Variants in UVRAG observed in about 807,000 individuals in gnomAD.
UVRAG encodes the protein UV radiation resistance associated.
UVRAG carries 19 observed loss-of-function variants against 78.0 expected under a neutral mutation model. The ratio of observed to expected loss-of-function variants is 0.24; its 90% confidence interval spans 0.17 to 0.36. The LOEUF (loss-of-function observed/expected upper bound fraction) is 0.36. Ranked by LOEUF, UVRAG falls within the 10% of genes least tolerant of loss-of-function variation. The probability of loss-of-function intolerance (pLI) is 1.00; values close to 1 mark genes in which losing one functional copy is unlikely to be tolerated. For missense variants in UVRAG, 740 were observed against 853.8 expected (o/e 0.87, Z 1.66); for synonymous variants, 323 against 324.6 (o/e 1.00, Z 0.05).
chr11:75,957,481 T>G (rs1948824009), intron 6 of UVRAG, among the ~76,000 whole-genome samples: 1 of 152,100 alleles, frequency 6.6e-6, no homozygotes, highest in Non-Finnish European at 1.5e-5. Flanking sequence ...TAGAAACTCT[T>G]GAAATCTGGC....
At chr11:75,912,890 G>A (rs1283498346) in intron 6 of UVRAG, among the ~76,000 whole-genome samples, 1 of 152,202 alleles carries the variant, frequency 6.6e-6, no homozygotes, top group Non-Finnish European at 1.5e-5. Flanking sequence ...ATAGAGTTTG[G>A]TCACATGGAC....
intron 6 of UVRAG, among the ~76,000 whole-genome samples, chr11:75,952,821 CCTT>C (rs986612653): frequency 3.3e-5 from 5 of 151,836 alleles, no homozygotes; most frequent in African/African-American, 9.7e-5. Context: ...TGAAAGCATC[CCTT>C]CTTCTTCTTG....
intron 12 of UVRAG, among the ~76,000 whole-genome samples, chr11:76,058,252 C>T (rs1367480614): frequency 6.6e-6 from 1 of 151,990 alleles, no homozygotes; most frequent in East Asian, 1.9e-4. Context: ...GTTTTAGGTC[C>T]GGGCATGGTC....
chr11:76,137,521 T>C (rs951288139), intron 14 of UVRAG: 3 of 453,872 alleles, frequency 6.6e-6, no homozygotes, highest in Non-Finnish European at 8.8e-6. Context: ...AGGGAAAAAA[T>C]GTGGTGATAA....
intron 1 of UVRAG, among the ~76,000 whole-genome samples, chr11:75,838,482 C>T (rs1945834509): frequency 6.6e-6 from 1 of 151,946 alleles, no homozygotes; most frequent in African/African-American, 2.4e-5. Flanking sequence ...GGTCTACAGG[C>T]ATGCACCACC....
intron 2 of UVRAG, among the ~76,000 whole-genome samples, chr11:75,856,958 T>G (rs1565348033): frequency 6.6e-6 from 1 of 152,212 alleles, no homozygotes; most frequent in Non-Finnish European, 1.5e-5. Context: ...GGCCAAAAAC[T>G]TGGAGTTATC....
At chr11:75,982,020 C>T (rs1949405431) in intron 7 of UVRAG, among the ~76,000 whole-genome samples, 1 of 151,764 alleles carries the variant, frequency 6.6e-6, no homozygotes, top group African/African-American at 2.4e-5. Context: ...TGTAACACGT[C>T]TATCATGTCA....
intron 14 of UVRAG, among the ~76,000 whole-genome samples, chr11:76,117,540 T>A (rs1952203608): frequency 6.6e-6 from 1 of 152,152 alleles, no homozygotes; most frequent in Admixed American, 6.5e-5. Flanking sequence ...GAGAATGAAA[T>A]AAAAATCAAA....
chr11:76,039,993 T>C (rs780632170), intron 12 of UVRAG, among the ~76,000 whole-genome samples: 7 of 152,244 alleles, frequency 4.6e-5, no homozygotes, highest in Non-Finnish European at 8.8e-5. Context: ...CACACACATA[T>C]ATACATACCT....
At chr11:75,828,444 TAA>T (rs113226743) in intron 1 of UVRAG, among the ~76,000 whole-genome samples, 6,433 of 114,926 alleles carry the variant, frequency 0.056, 510 homozygotes, top group African/African-American at 0.18. Context: ...CCCCCATCTC[TAA>T]AAAAAAAAAA....
chr11:76,006,373 G>A (rs1309915055), intron 9 of UVRAG, among the ~76,000 whole-genome samples: 2 of 152,026 alleles, frequency 1.3e-5, no homozygotes, highest in African/African-American at 4.8e-5. Flanking sequence ...CAAGAAAAGA[G>A]CTGGTGCCAG....
chr11:75,821,196 G>C (rs748622330), intron 1 of UVRAG, among the ~76,000 whole-genome samples: 2 of 151,958 alleles, frequency 1.3e-5, no homozygotes, highest in Non-Finnish European at 2.9e-5. Flanking sequence ...TTTATGTTTG[G>C]CTTATTTCAC....
intron 14 of UVRAG, among the ~76,000 whole-genome samples, chr11:76,122,297 G>A (rs919837612): frequency 6.6e-6 from 1 of 151,976 alleles, no homozygotes; most frequent in Non-Finnish European, 1.5e-5. Context: ...GCCACATGAG[G>A]TTTGGGGTAT....
intron 12 of UVRAG, among the ~76,000 whole-genome samples, chr11:76,057,258 G>A (rs1951001827): frequency 6.6e-6 from 1 of 152,168 alleles, no homozygotes; most frequent in Non-Finnish European, 1.5e-5. Context: ...GGGGGAAAAT[G>A]TCCATTGTTA....
At chr11:76,079,388 G>A (rs928735433) in intron 13 of UVRAG, among the ~76,000 whole-genome samples, 2 of 152,062 alleles carry the variant, frequency 1.3e-5, no homozygotes, top group African/African-American at 4.8e-5. Context: ...AGGAGGCTGA[G>A]GCAGGAGGAT....
At position 75,911,970 on chromosome 11, in the gene UVRAG, A is replaced by C; in HGVS notation, c.524A>C (p.Gln175Pro). The stretch of plus-strand genomic sequence containing the variant: ...GTCTTTCAGGGTTATTCAAATGCTC[A>C]GAAGACTATTCTTCTGCAGGTGGAT... ...PFEHKGYSNA[Q>P]KTILLQVDQN... The change falls in exon 6 of 15, where the codon CAG becomes CCG. Residue 175 changes from glutamine to proline, a missense_variant. Gln to Pro is a moderately conservative substitution (Grantham distance 76). Coordinates refer to ENST00000356136, the MANE Select transcript of UVRAG (RefSeq NM_003369.4). 6.2e-7 allele frequency: 1 copy of C among 1,612,336 alleles called. No individual in the cohort carries two copies. The highest frequency in any genetic ancestry group is 8.5e-7 in the Non-Finnish European group (1 of 1,178,814).
intron 5 of UVRAG, among the ~76,000 whole-genome samples, chr11:75,910,787 G>A (rs549898363): frequency 2.0e-5 from 3 of 152,046 alleles, no homozygotes; most frequent in Non-Finnish European, 2.9e-5. Flanking sequence ...TCTTCTTCTG[G>A]AATTGTCCTG....
intron 3 of UVRAG, among the ~76,000 whole-genome samples, chr11:75,864,201 A>G (rs1306765775): frequency 2.6e-5 from 4 of 152,000 alleles, no homozygotes; most frequent in Non-Finnish European, 5.9e-5. Flanking sequence ...GACTACAGGC[A>G]TGAACCACCA....
intron 14 of UVRAG, among the ~76,000 whole-genome samples, chr11:76,120,787 G>A (rs886774257): frequency 4.6e-5 from 7 of 152,176 alleles, no homozygotes; most frequent in Non-Finnish European, 7.4e-5. Flanking sequence ...AAACAAAGCC[G>A]GAGCAAGCAC....
Sources: allele counts gnomAD v4.1 joint callset (sites outside exome capture counted in the v4.1 genomes callset), GRCh38; gene constraint gnomAD v4.1.1; transcripts MANE v1.5; gene names NCBI Gene and HGNC (gene_info 2026-07-23, HGNC 2026-07-21).